ZBTB7A: variants seen among roughly 807,000 people sequenced by gnomAD.
ZBTB7A encodes zinc finger and BTB domain-containing protein 7A.
In ZBTB7A, 7 loss-of-function variants were observed where a neutral mutation model predicts 26.7. That is an observed-to-expected ratio of 0.26 (90% CI 0.15 to 0.49). The LOEUF (loss-of-function observed/expected upper bound fraction) is 0.49, where lower values mean the gene tolerates loss of function less well. Ranked by LOEUF, ZBTB7A falls within the 20% of genes least tolerant of loss-of-function variation. The pLI is 0.98. For missense variants in ZBTB7A, 617 were observed against 919.5 expected (o/e 0.67, Z 4.25); for synonymous variants, 452 against 441.0 (o/e 1.02, Z -0.31).
At position 4,044,804 on chromosome 19, in the gene ZBTB7A, C is replaced by T. The variant is rs1170736407; in HGVS notation, c.*2948G>A. ...TGTGTCCTTTCATATGGAGTCAACA[C>T]GACCCTCCTCAAATATCATTTTTTT... On this transcript the variant is annotated 3_prime_UTR_variant, in exon 3 of 3. Coordinates refer to ENST00000322357, the MANE Select transcript of ZBTB7A (RefSeq NM_015898.4). 1.3e-5 allele frequency: 2 copies of T among 151,118 alleles called. No individual in the cohort carries two copies. The highest frequency in any genetic ancestry group is 2.9e-5 in the Non-Finnish European group (2 of 67,910). 9.4% of individuals were successfully genotyped at this position (151,118 alleles called of 1,614,324 possible). A position where few individuals can be genotyped will look rare whatever the true frequency, so the allele number is the denominator to read the frequency against.
In ZBTB7A at chr19:4,054,411, G is replaced by C; in HGVS notation, c.822C>G (p.Arg274=). The C allele has an allele frequency of 7.2e-7, 1 of 1,379,352 alleles. No homozygotes were observed. The highest frequency in any genetic ancestry group is 9.3e-7 in the Non-Finnish European group (1 of 1,077,104). The allele number at this position is 1,379,352 out of a possible 1,614,324, so 85.4% of individuals were successfully genotyped here. A position where few individuals can be genotyped will look rare whatever the true frequency, so the allele number is the denominator to read the frequency against. ...PAATQNGHYG[R]GGEEEAASLS... ...GCGAGGCGGCCTCCTCCTCTCCGCC[G>C]CGGCCGTAGTGGCCGTTCTGCGTGG... Residue 274 remains arginine, a synonymous_variant, in exon 2 of 3, where the codon CGC becomes CGG. Coordinates refer to ENST00000322357, the MANE Select transcript of ZBTB7A (RefSeq NM_015898.4).
At chr19:4,061,022 C>CCCCCAGGGACAG (rs2040632659) in intron 1 of ZBTB7A, among the ~76,000 whole-genome samples, 1 of 152,218 alleles carries the variant, frequency 6.6e-6, no homozygotes, top group Non-Finnish European at 1.5e-5. Flanking sequence ...CTCTGAGCCT[C>CCCCCAGGGACAG]TGTCTCCTGG....
At position 4,048,483 on chromosome 19, in the gene ZBTB7A, G is replaced by A. The variant is rs537036642; in HGVS notation, c.1263-239C>T. On this transcript the variant is annotated intron_variant, in intron 2 of 2. Transcript: ENST00000322357. The surrounding 1 kb of genome is among the most constrained non-coding windows in gnomAD (Gnocchi z 6.7). ...GACCCTGAGTGCTGTGTGGCCTTGG[G>A]AAAACGCTATGCCTCTCTGAACCCC... 2.1e-3 allele frequency among the ~76,000 whole-genome samples: 317 copies of A among 152,324 alleles called. 1 individual carries two copies. The highest frequency in any genetic ancestry group is 7.0e-3 in the African/African-American group (292 of 41,586).
intron 1 of ZBTB7A, among the ~76,000 whole-genome samples, chr19:4,057,517 C>T (rs549989364): frequency 2.6e-5 from 4 of 152,200 alleles, no homozygotes; most frequent in South Asian, 2.1e-4. Flanking sequence ...TGGCCAGACG[C>T]GGTGGCTCAC....
At chr19:4,051,236 A>G (rs1229099923) in intron 2 of ZBTB7A, among the ~76,000 whole-genome samples, 2 of 151,660 alleles carry the variant, frequency 1.3e-5, no homozygotes, top group Non-Finnish European at 2.9e-5. Context: ...AGCCCTGGCT[A>G]GAACCTGACC....
Position 4,054,607 on chromosome 19 carries a change from A to G in ZBTB7A, c.626T>C (p.Val209Ala), listed in dbSNP as rs1338823663. ...TAAGCCGTTGCAGTCGCCCGCGGCC[A>G]CGGCGGCCACAGCGGCGGCCACGGC... ...KEAVAAAVAA[V>A]AAGDCNGLDF... Residue 209 changes from valine (V) to alanine (A), a missense_variant, in exon 2 of 3, where the codon GTG becomes GCG. Val to Ala is a moderately conservative substitution (Grantham distance 64). Around this residue, in one of 5 missense-constraint regions of ZBTB7A, gnomAD observed 331 missense variants for 391.3 expected, o/e 0.85. Coordinates refer to ENST00000322357, the MANE Select transcript of ZBTB7A (RefSeq NM_015898.4). The G allele has an allele frequency of 1.9e-5, 30 of 1,583,272 alleles. No individual in the cohort carries two copies. The highest frequency in any genetic ancestry group is 1.4e-4 in the Admixed American group (8 of 55,664).
chr19:4,066,785 C>A lies in ZBTB7A; in HGVS notation c.-119G>T. 1 of 152,022 alleles carries A rather than the reference C, an allele frequency of 6.6e-6. No individual in the cohort carries two copies. The highest frequency in any genetic ancestry group is 2.0e-4 in the South Asian group (1 of 5,060). 9.4% of individuals were successfully genotyped at this position (152,022 alleles called of 1,614,324 possible). A position where few individuals can be genotyped will look rare whatever the true frequency, so the allele number is the denominator to read the frequency against. The stretch of plus-strand genomic sequence containing the variant: ...TCCGCGGCGCTCGCTCTGCCCGCGT[C>A]GCGCTGCCCTGGTCGCTCCCTCGCG... On this transcript the variant is annotated 5_prime_UTR_variant, in exon 1 of 3. Transcript: ENST00000322357.
intron 1 of ZBTB7A, among the ~76,000 whole-genome samples, chr19:4,065,214 A>T (rs2040680999): frequency 6.6e-6 from 1 of 151,056 alleles, no homozygotes; most frequent in African/African-American, 2.4e-5. Flanking sequence ...GGGGGCGCGG[A>T]CGGCGGGGAC....
intron 1 of ZBTB7A, among the ~76,000 whole-genome samples, chr19:4,056,348 T>A (rs10409301): frequency 6.6e-6 from 1 of 152,194 alleles, no homozygotes; most frequent in African/African-American, 2.4e-5. Flanking sequence ...GAGATGAGGC[T>A]GGCAAAACCC....
At chr19:4,062,409 C>G (rs2040648224) in intron 1 of ZBTB7A, among the ~76,000 whole-genome samples, 1 of 152,186 alleles carries the variant, frequency 6.6e-6, no homozygotes, top group African/African-American at 2.4e-5. Flanking sequence ...TGATAATCGC[C>G]CCAGAGACCC....
At position 4,043,973 on chromosome 19, in the gene ZBTB7A, T is replaced by A. The variant is rs113379781; in HGVS notation, c.*3779A>T. Among the ~76,000 whole-genome samples, 1,037 of 152,218 alleles carry A rather than the reference T, an allele frequency of 6.8e-3. 16 individuals carry two copies. The highest frequency in any genetic ancestry group is 0.021 in the African/African-American group (861 of 41,538). On this transcript the variant is annotated 3_prime_UTR_variant, in exon 3 of 3. Transcript: ENST00000322357. ...CTTTTTTTGTTGGTTTTTAATATTTTTTTTTCTTCTGTTTTTCCTTTCATT... is the reference window on the plus strand; with the variant it reads ...CTTTTTTTGTTGGTTTTTAATATTTATTTTTCTTCTGTTTTTCCTTTCATT...
rs571567371 is a variant in ZBTB7A, at chr19:4,047,827, G to A, written c.1680C>T (p.Gly560=). ...CTCCGCTGTCACCTCCTCCACCGGC[G>A]CCCGCTACATTCAACCGGCCCAAGC... ...PDGLGRLNVA[G]AGGGGDSGGG... The change falls in exon 3 of 3, where the codon GGC becomes GGT. Residue 560 remains glycine (G), a synonymous_variant. Transcript: ENST00000322357. The A allele has an allele frequency of 1.7e-5, 27 of 1,604,920 alleles. No homozygotes were observed. In the South Asian group the frequency reaches 2.4e-4, roughly 15 times the overall value.
At chr19:4,058,771 C>A (rs922129853) in intron 1 of ZBTB7A, among the ~76,000 whole-genome samples, 1 of 152,240 alleles carries the variant, frequency 6.6e-6, no homozygotes, top group African/African-American at 2.4e-5. Flanking sequence ...TCGGTCCAGC[C>A]GGACCCAAAG....
At chr19:4,057,339 G>A (rs1037166017) in intron 1 of ZBTB7A, among the ~76,000 whole-genome samples, 6 of 152,090 alleles carry the variant, frequency 3.9e-5, no homozygotes, top group African/African-American at 1.2e-4. Context: ...GCGAAACTCC[G>A]TGTTGGAAAA....
Position 4,046,551 on chromosome 19 carries a change from G to A in ZBTB7A, c.*1201C>T, listed in dbSNP as rs1293066817. 1 of 147,282 alleles carries A rather than the reference G, an allele frequency of 6.8e-6. No individual in the cohort carries two copies. The highest frequency in any genetic ancestry group is 1.5e-5 in the Non-Finnish European group (1 of 67,356). 9.1% of individuals were successfully genotyped at this position (147,282 alleles called of 1,614,324 possible). On this transcript the variant is annotated 3_prime_UTR_variant, in exon 3 of 3. Transcript: ENST00000322357. ...TACCCGTTCCGTTACAAAGTGCCAA[G>A]ACTTCTAATGTGGTTGGTTGCCTTT...
At chr19:4,055,403 C>T (rs936484153) in intron 1 of ZBTB7A, 156 bp from the exon 2 acceptor site, 2 of 985,334 alleles carry the variant, frequency 2.0e-6, no homozygotes, top group African/African-American at 3.5e-5. Context: ...GATGTCGCGC[C>T]TTTCCAGCCC....
rs1424237977 is a variant in ZBTB7A at position 4,054,441 on chromosome 19, C to T, written c.792G>A (p.Pro264=). Residue 264 remains proline (P), a synonymous_variant, in exon 2 of 3, where the codon CCG becomes CCA. Transcript: ENST00000322357. ...GGLFPPPVAP[P]AATQNGHYGR... is the part of the protein sequence containing the mutation. ...CGTAGTGGCCGTTCTGCGTGGCGGCCGGCGGGGCCACCGGCGGCGGAAAGA... is the reference window on the plus strand; with the variant it reads ...CGTAGTGGCCGTTCTGCGTGGCGGCTGGCGGGGCCACCGGCGGCGGAAAGA... 10 of 1,358,450 alleles carry T rather than the reference C, an allele frequency of 7.4e-6. No individual in the cohort carries two copies. The highest frequency in any genetic ancestry group is 1.6e-5 in the African/African-American group (1 of 64,316). The allele number at this position is 1,358,450 out of a possible 1,614,324, so 84.1% of individuals were successfully genotyped here. A position where few individuals can be genotyped will look rare whatever the true frequency, so the allele number is the denominator to read the frequency against.
intron 1 of ZBTB7A, among the ~76,000 whole-genome samples, chr19:4,063,305 C>A (rs983414098): frequency 1.3e-5 from 2 of 152,210 alleles, no homozygotes; most frequent in African/African-American, 4.8e-5. Context: ...GCAGAGCAAG[C>A]GTGCCAGCAT....
chr19:4,051,946 A>T (rs1038908759), intron 2 of ZBTB7A, among the ~76,000 whole-genome samples: 1 of 151,072 alleles, frequency 6.6e-6, no homozygotes, highest in Non-Finnish European at 1.5e-5. Context: ...GGCCCCACTT[A>T]CTCAACGCCC....
Sources: gnomAD v4.1 joint callset for allele counts (sites outside exome capture counted in the v4.1 genomes callset) on GRCh38, gnomAD v4.1.1 for gene constraint, gnomAD v4.1.1 regional missense constraint, Gnocchi (gnomAD v3.1) non-coding constraint, MANE v1.5 for transcripts, NCBI Gene and HGNC (gene_info 2026-07-23, HGNC 2026-07-21) for gene names.